The following GABRG3 variants were observed in gnomAD, a reference collection of about 807,000 sequenced individuals.
The protein encoded by GABRG3 is gamma-aminobutyric acid type A receptor subunit gamma3, also known as gamma-aminobutyric acid receptor subunit gamma-3.
GABRG3 carries 25 observed loss-of-function variants against 48.8 expected under a neutral mutation model. The ratio of observed to expected loss-of-function variants is 0.51; its 90% CI spans 0.37 to 0.72. GABRG3 has a LOEUF of 0.72. GABRG3 is among the 30% of genes least tolerant of loss of function. The probability of loss-of-function intolerance (pLI) is 0.00; values close to 1 mark genes in which losing one functional copy is unlikely to be tolerated. For missense variants in GABRG3, 394 were observed against 577.9 expected (o/e 0.68, Z 3.26); for synonymous variants, 227 against 217.6 (o/e 1.04, Z -0.38).
chr15:27,379,086 C>T (rs181598427), intron 5 of GABRG3, among the ~76,000 whole-genome samples: 1 of 152,260 alleles, frequency 6.6e-6, no homozygotes, highest in Admixed American at 6.5e-5. Context: ...CCTAAAGTTC[C>T]AAAGAAGAAT....
rs1393971905 is a variant in GABRG3, at chr15:27,480,768, A to G, written c.693A>G (p.Glu231=). The G allele has an allele frequency of 1.9e-6, 3 of 1,613,858 alleles. No homozygotes were observed. The South Asian group carries it at 3.3e-5, about 18-fold the overall frequency. The change falls in exon 6 of 10, where the codon GAA becomes GAG. Residue 231 remains glutamate, a synonymous_variant. Transcript: ENST00000615808. ...TCATGGGCCTCAGAAACACCACAGA[A>G]ATCGTGACAACGTCTGCAGGTAGGA... is the stretch of plus-strand genomic sequence containing the variant. ...FDFMGLRNTT[E]IVTTSAGDYV...
intron 5 of GABRG3, among the ~76,000 whole-genome samples, chr15:27,383,678 G>GA (rs142545924): frequency 0.078 from 11,573 of 148,266 alleles, 501 homozygotes; most frequent in Non-Finnish European, 0.095. Flanking sequence ...AAGTCTAAAG[G>GA]AAAAAAAAAA....
At chr15:27,208,387 G>T in intron 3 of GABRG3, 1 of 227,328 alleles carries the variant, frequency 4.4e-6, no homozygotes. Context: ...TGCCCAGGTA[G>T]GTGATGCCAG....
intron 3 of GABRG3, among the ~76,000 whole-genome samples, chr15:27,296,096 C>A (rs1293397094): frequency 6.6e-6 from 1 of 152,118 alleles, no homozygotes; most frequent in African/African-American, 2.4e-5. Flanking sequence ...GGAGAAGGAG[C>A]CTCTGTCCTC....
chr15:27,370,587 C>T (rs1300260265), intron 5 of GABRG3, among the ~76,000 whole-genome samples: 1 of 152,150 alleles, frequency 6.6e-6, no homozygotes, highest in African/African-American at 2.4e-5. Context: ...TCCTGTTTTG[C>T]CCTGGAATCT....
chr15:27,469,229 C>T (rs1373914934), intron 5 of GABRG3, among the ~76,000 whole-genome samples: 1 of 152,142 alleles, frequency 6.6e-6, no homozygotes, highest in East Asian at 1.9e-4. Context: ...ACTCAGCCCA[C>T]GTGCCATTTC....
intron 5 of GABRG3, among the ~76,000 whole-genome samples, chr15:27,456,662 G>C (rs1889289340): frequency 1.3e-5 from 2 of 152,152 alleles, no homozygotes; most frequent in Non-Finnish European, 2.9e-5. Flanking sequence ...GAGTGACAGG[G>C]CTGCCCTGGA....
chr15:27,008,880 G>A (rs1338055244), intron 2 of GABRG3, among the ~76,000 whole-genome samples: 2 of 152,100 alleles, frequency 1.3e-5, no homozygotes, highest in African/African-American at 2.4e-5. Flanking sequence ...ATGGCACCTC[G>A]CTAGGGGCTG....
intron 5 of GABRG3, among the ~76,000 whole-genome samples, chr15:27,397,950 G>T (rs537866694): frequency 6.6e-6 from 1 of 151,636 alleles, no homozygotes; most frequent in African/African-American, 2.4e-5. Context: ...GACTACAGGC[G>T]CCCGCCACCA....
intron 2 of GABRG3, among the ~76,000 whole-genome samples, chr15:27,010,471 C>T (rs1179969160): frequency 6.6e-6 from 1 of 152,098 alleles, no homozygotes; most frequent in Non-Finnish European, 1.5e-5. Flanking sequence ...AACAATAGCC[C>T]CAGGCATTCC....
intron 3 of GABRG3, among the ~76,000 whole-genome samples, chr15:27,256,905 A>C (rs1467831016): frequency 6.6e-6 from 1 of 152,174 alleles, no homozygotes; most frequent in Non-Finnish European, 1.5e-5. Context: ...TCCTGGACAT[A>C]CTGATGTCAT....
intron 5 of GABRG3, among the ~76,000 whole-genome samples, chr15:27,431,491 C>G (rs561311638): frequency 1.3e-5 from 2 of 152,052 alleles, no homozygotes; most frequent in Non-Finnish European, 2.9e-5. Context: ...TTACTTCTTC[C>G]TTTCCATATG....
intron 2 of GABRG3, among the ~76,000 whole-genome samples, chr15:27,007,609 C>G (rs1168105223): frequency 6.6e-6 from 1 of 152,176 alleles, no homozygotes; most frequent in Non-Finnish European, 1.5e-5. Flanking sequence ...AATAGCCATT[C>G]TGACTGGTGT....
chr15:27,337,230 T>G (rs768661752), intron 5 of GABRG3, among the ~76,000 whole-genome samples: 72 of 152,292 alleles, frequency 4.7e-4, no homozygotes, highest in Non-Finnish European at 9.3e-4. Flanking sequence ...CTTGTATCTT[T>G]TACAATATTT....
chr15:27,322,361 A>G (rs1042407166), intron 3 of GABRG3, among the ~76,000 whole-genome samples: 1 of 152,080 alleles, frequency 6.6e-6, no homozygotes, highest in Non-Finnish European at 1.5e-5. Flanking sequence ...TGTGTGGGAC[A>G]GGGGTGGGGA....
Position 27,222,002 on chromosome 15 carries a change from T to A in GABRG3, c.271-104807T>A, listed in dbSNP as rs185881918. ...CTGAGCTGAAGTTCTACATTATTTT[T>A]AAAAATCTTTAATATATTCTTTCTG... On this transcript the variant is annotated intron_variant, in intron 3 of 9. Coordinates refer to ENST00000615808, the MANE Select transcript of GABRG3 (RefSeq NM_033223.5). Among the ~76,000 whole-genome samples, 473 of 152,326 alleles carry A rather than the reference T, an allele frequency of 3.1e-3. 2 individuals are homozygous for A. Among genetic ancestry groups the A allele is most frequent in the South Asian group, 0.01 (50 of 4,832 alleles).
At chr15:27,202,808 T>C (rs1483897343) in intron 3 of GABRG3, among the ~76,000 whole-genome samples, 1 of 152,204 alleles carries the variant, frequency 6.6e-6, no homozygotes, top group Non-Finnish European at 1.5e-5. Context: ...ATTTACTCTT[T>C]ATCTGTTATG....
chr15:27,308,969 A>C (rs966636048), intron 3 of GABRG3, among the ~76,000 whole-genome samples: 18 of 150,602 alleles, frequency 1.2e-4, no homozygotes, highest in African/African-American at 4.4e-4. Flanking sequence ...GAAAACACAT[A>C]ATGTAAACAT....
chr15:27,278,548 A>G (rs956951940), intron 3 of GABRG3, among the ~76,000 whole-genome samples: 1 of 152,138 alleles, frequency 6.6e-6, no homozygotes, highest in African/African-American at 2.4e-5. Flanking sequence ...TGAATTGTAT[A>G]TTAGGTATTG....
Sources: gnomAD v4.1 joint callset for allele counts (sites outside exome capture counted in the v4.1 genomes callset) on GRCh38, gnomAD v4.1.1 for gene constraint, MANE v1.5 for transcripts, NCBI Gene and HGNC (gene_info 2026-07-23, HGNC 2026-07-21) for gene names.